Variants in PRR36 observed in about 807,000 individuals in gnomAD.
PRR36 encodes proline rich 36, also known as proline-rich protein 36.
A neutral mutation model predicts 58.6 loss-of-function variants in PRR36; 30 were observed. That is an observed-to-expected ratio of 0.51 (90% CI 0.38 to 0.69). The LOEUF is 0.69. PRR36 is among the 30% of genes least tolerant of loss of function. The probability of loss-of-function intolerance (pLI) is 0.00; values close to 1 mark genes in which losing one functional copy is unlikely to be tolerated. For missense variants in PRR36, 1,692 were observed against 1,805.6 expected, an observed-to-expected ratio of 0.94 and a Z score of 1.14; for synonymous variants, 771 against 829.3, an observed-to-expected ratio of 0.93 and a Z score of 1.21.
In PRR36 at chr19:7,871,159, G is replaced by A. The variant is rs1848028039; in HGVS notation, c.2085C>T (p.Ala695=). Residue 695 remains alanine (A), a synonymous_variant, in exon 5 of 6, where the codon GCC becomes GCT. Coordinates refer to ENST00000618550, the MANE Select transcript of PRR36 (RefSeq NM_001190467.2). Reference sequence around the variant, plus strand: ...AGAGAGGTGCCTGAGGAGAGTGGGAGGCCAGAGAAGATAGCGCCTGCAGAG... The same window carrying A: ...AGAGAGGTGCCTGAGGAGAGTGGGAAGCCAGAGAAGATAGCGCCTGCAGAG... The part of the protein sequence containing the change: ...IHPLQALSSL[A]SHSPQAPLSS... 2.0e-6 allele frequency: 3 copies of A among 1,535,432 alleles called. No homozygotes were observed. The highest frequency in any genetic ancestry group is 1.2e-5 in the South Asian group (1 of 84,016).
rs1233451614 is a variant in PRR36 at position 7,870,125 on chromosome 19, G to A, written c.3119C>T (p.Ser1040Leu). The A allele has an allele frequency of 6.8e-7, 1 of 1,471,714 alleles. No individual in the cohort carries two copies. The highest frequency in any genetic ancestry group is 8.9e-7 in the Non-Finnish European group (1 of 1,118,664). 91.2% of individuals were successfully genotyped at this position (1,471,714 alleles called of 1,614,324 possible). ...CGTGGCCAAAGGAGACATTGGGAGT[G>A]AGGCAGAGGGTGAGAAAGGGGCCTG... ...PGQAPFSPSASLPMSPLATPP... is the reference protein window; with the variant it reads ...PGQAPFSPSALLPMSPLATPP... The change falls in exon 5 of 6, where the codon TCA becomes TTA. Residue 1040 changes from serine to leucine, a missense_variant. By Grantham distance (145) the Ser-to-Leu change is moderately radical. Transcript: ENST00000618550.
Position 7,873,439 on chromosome 19 carries a change from C to A in PRR36, c.251G>T (p.Gly84Val), listed in dbSNP as rs905256028. 2.6e-6 allele frequency: 4 copies of A among 1,533,260 alleles called. No individual in the cohort carries two copies. The highest frequency in any genetic ancestry group is 3.5e-6 in the Non-Finnish European group (4 of 1,145,494). The allele number at this position is 1,533,260 out of a possible 1,614,324, so 95.0% of individuals were successfully genotyped here. The change falls in exon 2 of 6, where the codon GGG (glycine) becomes GTG (valine). Residue 84 changes from glycine to valine, a missense_variant. By Grantham distance (109) the Gly-to-Val change is moderately radical. Transcript: ENST00000618550. The surrounding 1 kb of genome is among the most constrained non-coding windows in gnomAD (Gnocchi z 5.0). Reference sequence around the variant, plus strand: ...GGTACCAGGGTTTCGGGAACTTGTCCCAGCACTCCGCGTTGGTCCCGCTCG... The same window carrying A: ...GGTACCAGGGTTTCGGGAACTTGTCACAGCACTCCGCGTTGGTCCCGCTCG... ...APRAGPTRSAGTSSRNPASRP... is the reference protein window; with the variant it reads ...APRAGPTRSAVTSSRNPASRP...
In PRR36 at chr19:7,869,303, C is replaced by A; in HGVS notation, c.3771G>T (p.Val1257=). The A allele has an allele frequency of 6.9e-7, 1 of 1,440,540 alleles. No individual in the cohort carries two copies. Among genetic ancestry groups the A allele is most frequent in the Non-Finnish European group, 9.0e-7 (1 of 1,107,466 alleles). 89.2% of individuals were successfully genotyped at this position (1,440,540 alleles called of 1,614,324 possible). A position where few individuals can be genotyped will look rare whatever the true frequency, so the allele number is the denominator to read the frequency against. Residue 1257 remains valine, a synonymous_variant, in exon 6 of 6, where the codon GTG becomes GTT. Transcript: ENST00000618550. The stretch of plus-strand genomic sequence containing the variant: ...GCAGCGTCCGGCTCAGCAGGTGCTG[C>A]ACGACGCTCGCCTGCAGCGCCCCCA... ...LPLGALQASV[V]QHLLSRTLLL...
chr19:7,870,734 GC>G lies in PRR36; in HGVS notation c.2509del (p.Ala837ProfsTer85). On this transcript the variant is annotated frameshift_variant, in exon 5 of 6. Transcript: ENST00000618550. LOFTEE classifies it high-confidence loss of function. ...AGGTGGGGCCTGTGGAGGGGGCGTG[GC>G]CAAAGGAGACAGAGGGGGAGAGGGC... ...GLPSPPLSPLATPPPQAPPAL... is the reference protein window; with the variant it reads ...GLPSPPLSPLXTPPPQAPPAL... 1 of 1,278,952 alleles carries G rather than the reference GC, an allele frequency of 7.8e-7. No individual in the cohort carries two copies. Among genetic ancestry groups the G allele is most frequent in the Non-Finnish European group, 9.9e-7 (1 of 1,006,736 alleles). 79.2% of individuals were successfully genotyped at this position (1,278,952 alleles called of 1,614,324 possible). A position where few individuals can be genotyped will look rare whatever the true frequency, so the allele number is the denominator to read the frequency against.
At position 7,871,781 on chromosome 19, in the gene PRR36, C is replaced by A; in HGVS notation, c.1463G>T (p.Gly488Val). The A allele has an allele frequency of 6.5e-7, 1 of 1,533,598 alleles. No individual in the cohort carries two copies. Among genetic ancestry groups the A allele is most frequent in the Non-Finnish European group, 8.7e-7 (1 of 1,146,130 alleles). The allele number at this position is 1,533,598 out of a possible 1,614,324, so 95.0% of individuals were successfully genotyped here. The change falls in exon 5 of 6, where the codon GGC becomes GTC. Residue 488 changes from glycine (G) to valine (V), a missense_variant. Physicochemically the swap from Gly to Val is moderately radical, Grantham distance 109. Coordinates refer to ENST00000618550, the MANE Select transcript of PRR36 (RefSeq NM_001190467.2). ...AFPLAALPQP[G>V]LSALTTPPPQ... ...AGGGGGCGTGGTCAGAGCAGAAAGG[C>A]CTGGCTGAGGGAGTGCGGCCAGGGG... is the stretch of plus-strand genomic sequence containing the variant.
At chr19:7,869,620 A>G (rs1980280560) in intron 5 of PRR36, 76 bp from the exon 6 acceptor site, 1 of 1,469,744 alleles carries the variant, frequency 6.8e-7, no homozygotes, top group Admixed American at 2.3e-5. Flanking sequence ...CTCCTTGTCT[A>G]AGCTCCGCCC....
chr19:7,870,219 GT>G lies in PRR36; in HGVS notation c.3024del (p.Gln1009ArgfsTer86). ...GGTGTGGCCAGAGCAGGTGGGGCCT[GT>G]GGAGGGGGCTTAGCCAAAGGAGACA... ...LPMSPLAKPP[P>X]QAPPALATPP... On this transcript the variant is annotated frameshift_variant, in exon 5 of 6. Coordinates refer to ENST00000618550, the MANE Select transcript of PRR36 (RefSeq NM_001190467.2). LOFTEE classifies it high-confidence loss of function. 1 of 1,429,776 alleles carries G rather than the reference GT, an allele frequency of 7.0e-7. No homozygotes were observed. Among genetic ancestry groups the G allele is most frequent in the South Asian group, 1.4e-5 (1 of 69,294 alleles). The allele number at this position is 1,429,776 out of a possible 1,614,324, so 88.6% of individuals were successfully genotyped here.
At position 7,874,379 on chromosome 19, in the gene PRR36, G is replaced by C. The variant is rs960438231; in HGVS notation, c.-101C>G. 2.0e-5 allele frequency: 3 copies of C among 150,846 alleles called. No homozygotes were observed. Among genetic ancestry groups the C allele is most frequent in the African/African-American group, 7.3e-5 (3 of 41,284 alleles). 9.3% of individuals were successfully genotyped at this position (150,846 alleles called of 1,614,324 possible). ...GTGGCCGCCAGCGGCGAGGAGGCGA[G>C]GGGAGGGGGCTGCGGGCTGCGGCGC... is the stretch of plus-strand genomic sequence containing the variant. On this transcript the variant is annotated 5_prime_UTR_variant, in exon 1 of 6. Transcript: ENST00000618550. This position sits in a 1 kb window ranked among gnomAD's most constrained non-coding sequence, Gnocchi z 6.0.
Position 7,869,016 on chromosome 19 carries a change from C to T in PRR36, c.*17G>A. ...TAAGGCAGGGGTGGGGTGTAGCAGG[C>T]GGGGCTGTGGTCTGGCTCAGTGGAA... On this transcript the variant is annotated 3_prime_UTR_variant, in exon 6 of 6. Transcript: ENST00000618550. The T allele has an allele frequency of 6.7e-7, 1 of 1,490,466 alleles. No homozygotes were observed. Among genetic ancestry groups the T allele is most frequent in the Admixed American group, 2.1e-5 (1 of 47,020 alleles). 92.3% of individuals were successfully genotyped at this position (1,490,466 alleles called of 1,614,324 possible). A position where few individuals can be genotyped will look rare whatever the true frequency, so the allele number is the denominator to read the frequency against.
chr19:7,874,188 G>C lies in PRR36; in HGVS notation c.-8+98C>G, dbSNP rs1346841045. 2 of 153,900 alleles carry C rather than the reference G, an allele frequency of 1.3e-5. No homozygotes were observed. Among genetic ancestry groups the C allele is most frequent in the Non-Finnish European group, 1.4e-5 (1 of 69,232 alleles). 9.5% of individuals were successfully genotyped at this position (153,900 alleles called of 1,614,324 possible). ...CAGAGCGGCCCCGCTGCCCGCGAAC[G>C]GGCTCCGGGAGACAAAGAGCCGCGT... On this transcript the variant is annotated intron_variant, in intron 1 of 5. Coordinates refer to ENST00000618550, the MANE Select transcript of PRR36 (RefSeq NM_001190467.2). This position sits in a 1 kb window ranked among gnomAD's most constrained non-coding sequence, Gnocchi z 6.0.
chr19:7,873,413 G>A lies in PRR36; in HGVS notation c.271+6C>T, dbSNP rs748978417. The A allele has an allele frequency of 1.3e-6, 2 of 1,525,058 alleles. No individual in the cohort carries two copies. The highest frequency in any genetic ancestry group is 1.8e-6 in the Non-Finnish European group (2 of 1,139,466). 94.5% of individuals were successfully genotyped at this position (1,525,058 alleles called of 1,614,324 possible). A position where few individuals can be genotyped will look rare whatever the true frequency, so the allele number is the denominator to read the frequency against. On this transcript the variant is annotated splice_donor_region_variant and intron_variant, in intron 2 of 5. Transcript: ENST00000618550. The surrounding 1 kb of genome is among the most constrained non-coding windows in gnomAD (Gnocchi z 5.0). ...GGGGCGGAGCTGAGGAAGGAGGCTGGGGTACCAGGGTTTCGGGAACTTGTC... is the reference window on the plus strand; with the variant it reads ...GGGGCGGAGCTGAGGAAGGAGGCTGAGGTACCAGGGTTTCGGGAACTTGTC...
In PRR36 at chr19:7,873,550, A is replaced by G. The variant is rs1434976901; in HGVS notation, c.140T>C (p.Leu47Pro). 6.5e-7 allele frequency: 1 copy of G among 1,533,774 alleles called. No individual in the cohort carries two copies. The highest frequency in any genetic ancestry group is 8.7e-7 in the Non-Finnish European group (1 of 1,146,284). ...TCGCCCCACTGCTCCCGCAGCTCCC[A>G]GAACTCGGAGGGCTGCGGGAGTTAC... ...PPVTPAALRV[L>P]GAAGAVGRKP... is the part of the protein sequence containing the mutation. The change falls in exon 2 of 6, where the codon CTG becomes CCG. Residue 47 changes from leucine (L) to proline (P), a missense_variant. Leu to Pro is a moderately conservative substitution (Grantham distance 98). Transcript: ENST00000618550. The surrounding 1 kb of genome is among the most constrained non-coding windows in gnomAD (Gnocchi z 5.0).
chr19:7,872,421 T>C lies in PRR36; in HGVS notation c.823A>G (p.Lys275Glu), dbSNP rs1980507068. The C allele has an allele frequency of 6.9e-7, 1 of 1,450,904 alleles. No individual in the cohort carries two copies. Among genetic ancestry groups the C allele is most frequent in the Non-Finnish European group, 9.0e-7 (1 of 1,107,894 alleles). The allele number at this position is 1,450,904 out of a possible 1,614,324, so 89.9% of individuals were successfully genotyped here. The change falls in exon 5 of 6, where the codon AAA becomes GAA. Residue 275 changes from lysine to glutamate, a missense_variant. Physicochemically the swap from Lys to Glu is moderately conservative, Grantham distance 56. This residue lies in a region of PRR36 where 975 missense variants were observed against 955.2 expected (regional missense o/e 1.02). Coordinates refer to ENST00000618550, the MANE Select transcript of PRR36 (RefSeq NM_001190467.2). The surrounding 1 kb of genome is among the most constrained non-coding windows in gnomAD (Gnocchi z 6.1). The stretch of plus-strand genomic sequence containing the variant: ...GGGGGTCGCAGAGCCTGCAGTCCTT[T>C]CGGCTTGGGCTGCGAGGGATGCGCA... ...APAHPSQPKP[K>E]GLQALRPPQV...
chr19:7,869,853 C>G lies in PRR36; in HGVS notation c.3391G>C (p.Glu1131Gln). The G allele has an allele frequency of 7.5e-7, 1 of 1,340,338 alleles. No homozygotes were observed. The highest frequency in any genetic ancestry group is 1.9e-5 in the South Asian group (1 of 51,768). The allele number at this position is 1,340,338 out of a possible 1,614,324, so 83.0% of individuals were successfully genotyped here. ...GHSSSATSTP[E>Q]ELRGYDSGPE... ...CCGCTGTCGTAGCCACGCAGCTCCTCTGGCGTGCTCGTGGCGCTGCTGCTG... is the reference window on the plus strand; with the variant it reads ...CCGCTGTCGTAGCCACGCAGCTCCTGTGGCGTGCTCGTGGCGCTGCTGCTG... Residue 1131 changes from glutamate (E) to glutamine (Q), a missense_variant, in exon 5 of 6, where the codon GAG becomes CAG. Around this residue, in one of 5 missense-constraint regions of PRR36, gnomAD observed 485 missense variants for 549.2 expected, o/e 0.88. Transcript: ENST00000618550.
Position 7,871,248 on chromosome 19 carries a change from G to A in PRR36, c.1996C>T (p.Pro666Ser), listed in dbSNP as rs1344387500. 2 of 1,534,494 alleles carry A rather than the reference G, an allele frequency of 1.3e-6. No homozygotes were observed. The highest frequency in any genetic ancestry group is 2.4e-5 in the East Asian group (1 of 40,864). The change falls in exon 5 of 6, where the codon CCC becomes TCC. Residue 666 changes from proline to serine, a missense_variant. By Grantham distance (74) the Pro-to-Ser change is moderately conservative. This residue lies in a region of PRR36 where 975 missense variants were observed against 955.2 expected (regional missense o/e 1.02). Transcript: ENST00000618550. ...LQAPLSLPAS[P>S]PLQTSLSPAV... The stretch of plus-strand genomic sequence containing the variant: ...GGAGAGAGAGAAGTCTGCAGAGGGG[G>A]TGAGGCAGGAAGGGAAAGAGGGGCC...
Position 7,873,335 on chromosome 19 carries a change from G to A in PRR36, c.272-36C>T, listed in dbSNP as rs2145072943. 1 of 1,524,004 alleles carries A rather than the reference G, an allele frequency of 6.6e-7. No homozygotes were observed. Among genetic ancestry groups the A allele is most frequent in the Non-Finnish European group, 8.8e-7 (1 of 1,139,694 alleles). 94.4% of individuals were successfully genotyped at this position (1,524,004 alleles called of 1,614,324 possible). On this transcript the variant is annotated intron_variant, in intron 2 of 5. Transcript: ENST00000618550. This position sits in a 1 kb window ranked among gnomAD's most constrained non-coding sequence, Gnocchi z 5.0. ...AAGGCCGAGTCACAGGTGCCCCGGAGAGGTGGCAGTGGAGGTGAGACTGGA... is the reference window on the plus strand; with the variant it reads ...AAGGCCGAGTCACAGGTGCCCCGGAAAGGTGGCAGTGGAGGTGAGACTGGA...
chr19:7,872,886 A>C lies in PRR36; in HGVS notation c.450T>G (p.Ala150=). 6.5e-7 allele frequency: 1 copy of C among 1,535,956 alleles called. No individual in the cohort carries two copies. The highest frequency in any genetic ancestry group is 8.7e-7 in the Non-Finnish European group (1 of 1,146,838). The change falls in exon 4 of 6, where the codon GCT becomes GCG. Residue 150 remains alanine, a synonymous_variant. Coordinates refer to ENST00000618550, the MANE Select transcript of PRR36 (RefSeq NM_001190467.2). The surrounding 1 kb of genome is among the most constrained non-coding windows in gnomAD (Gnocchi z 6.1). ...CAGCGCTGAGGGCACTCCTTTTGGG[A>C]GCCTCTGTAGCTTTTCCTCTGGCCA... ...ETVARGKATE[A]PKRSALSAGA...
chr19:7,869,197 C>A lies in PRR36; in HGVS notation c.3877G>T (p.Ala1293Ser), dbSNP rs1599586921. The change falls in exon 6 of 6, where the codon GCC (alanine) becomes TCC (serine). Residue 1293 changes from alanine to serine, a missense_variant. Coordinates refer to ENST00000618550, the MANE Select transcript of PRR36 (RefSeq NM_001190467.2). Reference protein sequence around the residue: ...GAEGGGVTGGARAALSDAELG... With the variant: ...GAEGGGVTGGSRAALSDAELG... The stretch of plus-strand genomic sequence containing the variant: ...TCGGCGTCGCTGAGTGCAGCCCGGG[C>A]GCCCCCTGTGACGCCACCACCCTCC... 5.2e-6 allele frequency: 8 copies of A among 1,531,930 alleles called. No individual in the cohort carries two copies. Among genetic ancestry groups the A allele is most frequent in the Non-Finnish European group, 7.0e-6 (8 of 1,145,498 alleles). The allele number at this position is 1,531,930 out of a possible 1,614,324, so 94.9% of individuals were successfully genotyped here.
Position 7,870,488 on chromosome 19 carries a change from GGTGGGGCCT to G in PRR36, c.2747_2755del (p.Gln916_Pro918del). On this transcript the variant is annotated inframe_deletion, in exon 5 of 6. Coordinates refer to ENST00000618550, the MANE Select transcript of PRR36 (RefSeq NM_001190467.2). ...CTGCAGAGGAGGTGCGGCTAGAGAG[GGTGGGGCCT>G]GTGAAGGGGGCGTGGCCGAAGGAGA... 8.3e-7 allele frequency: 1 copy of G among 1,209,794 alleles called. No homozygotes were observed. Among genetic ancestry groups the G allele is most frequent in the East Asian group, 3.2e-5 (1 of 31,046 alleles). The allele number at this position is 1,209,794 out of a possible 1,614,324, so 74.9% of individuals were successfully genotyped here. A position where few individuals can be genotyped will look rare whatever the true frequency, so the allele number is the denominator to read the frequency against.
Sources: gnomAD v4.1 joint callset for allele counts on GRCh38, gnomAD v4.1.1 for gene constraint, gnomAD v4.1.1 regional missense constraint, Gnocchi (gnomAD v3.1) non-coding constraint, MANE v1.5 for transcripts, NCBI Gene and HGNC (gene_info 2026-07-23, HGNC 2026-07-21) for gene names.